The following TSNARE1 variants were observed in gnomAD, a reference collection of about 807,000 sequenced individuals.
TSNARE1 encodes the protein t-SNARE domain containing 1, also known as t-SNARE domain-containing protein 1.
Under a neutral mutation model 62.0 loss-of-function variants are expected in TSNARE1, and 49 were observed. The observed-to-expected ratio is 0.79, with a 90% CI of 0.63 to 1.00. The LOEUF (loss-of-function observed/expected upper bound fraction) is 1.00. Among genes scored for constraint, TSNARE1 ranks in the 50% least tolerant of loss-of-function variants. The probability of loss-of-function intolerance (pLI) is 0.00; values close to 1 mark genes in which losing one functional copy is unlikely to be tolerated. For synonymous variants in TSNARE1, 328 were observed against 294.4 expected, an observed-to-expected ratio of 1.11 and a Z score of -1.17; for missense variants, 755 against 700.1, an observed-to-expected ratio of 1.08 and a Z score of -0.88.
intron 9 of TSNARE1, among the ~76,000 whole-genome samples, chr8:142,302,977 C>G (rs1181086594): frequency 6.6e-6 from 1 of 152,106 alleles, no homozygotes; most frequent in Non-Finnish European, 1.5e-5. Flanking sequence ...AGGGGTACAG[C>G]TGCCACCCCA....
chr8:142,299,789 C>T (rs771662347), intron 10 of TSNARE1, among the ~76,000 whole-genome samples: 49 of 152,374 alleles, frequency 3.2e-4, no homozygotes, highest in South Asian at 8.3e-4. Context: ...TACATACACA[C>T]ATGCTCAGAC....
chr8:142,300,865 C>T (rs1294091266), intron 9 of TSNARE1, among the ~76,000 whole-genome samples: 3 of 152,200 alleles, frequency 2.0e-5, no homozygotes, highest in South Asian at 2.1e-4. Flanking sequence ...AGACCACAGA[C>T]GTCAGTCCCC....
chr8:142,315,116 C>G (rs757192419), intron 7 of TSNARE1, 24 bp from the exon 8 acceptor site: 1 of 1,613,354 alleles, frequency 6.2e-7, no homozygotes, highest in Non-Finnish European at 8.5e-7. Context: ...ACAGCTGGCA[C>G]GGCATGGGAG....
chr8:142,340,860 G>A (rs368224296), intron 4 of TSNARE1, among the ~76,000 whole-genome samples: 4 of 152,358 alleles, frequency 2.6e-5, no homozygotes, highest in Admixed American at 6.5e-5. Flanking sequence ...ATGACACCAC[G>A]TGCCTAGACA....
chr8:142,352,232 A>C (rs529216255), intron 2 of TSNARE1, among the ~76,000 whole-genome samples: 1 of 152,368 alleles, frequency 6.6e-6, no homozygotes, highest in East Asian at 1.9e-4. Flanking sequence ...AAAGCAGACA[A>C]ACAGTGCTCA....
chr8:142,395,457 G>T (rs536391524), intron 1 of TSNARE1, among the ~76,000 whole-genome samples: 2 of 152,268 alleles, frequency 1.3e-5, no homozygotes, highest in South Asian at 2.1e-4. Flanking sequence ...CGGGGGGCAG[G>T]CTGCAGGCAG....
chr8:142,246,699 G>A (rs979976346), intron 12 of TSNARE1, among the ~76,000 whole-genome samples: 8 of 152,142 alleles, frequency 5.3e-5, no homozygotes, highest in Admixed American at 2.0e-4. Flanking sequence ...AGGGATGACC[G>A]AGGACCTGGG....
Position 142,322,659 on chromosome 8 carries a change from C to T in TSNARE1, c.894-4025G>A, listed in dbSNP as rs1335306594. On this transcript the variant is annotated intron_variant, in intron 6 of 13. Transcript: ENST00000524325. ...GAGAGGAACACAAATAAGAGAAAGGCCAGCCTGTGTCCGTGGGCTGGACGA... is the reference window on the plus strand; with the variant it reads ...GAGAGGAACACAAATAAGAGAAAGGTCAGCCTGTGTCCGTGGGCTGGACGA... 3.3e-5 allele frequency among the ~76,000 whole-genome samples: 5 copies of T among 152,340 alleles called. No individual in the cohort carries two copies. In the East Asian group the frequency reaches 9.6e-4, roughly 29 times the overall value.
intron 8 of TSNARE1, 32 bp from the exon 9 acceptor site, chr8:142,314,472 G>A (rs1201504469): frequency 6.2e-7 from 1 of 1,603,362 alleles, no homozygotes; most frequent in Non-Finnish European, 8.5e-7. Context: ...AAGAAAGACA[G>A]GAAGAGCAAA....
intron 7 of TSNARE1, among the ~76,000 whole-genome samples, chr8:142,316,910 G>C (rs1233328305): frequency 1.3e-5 from 2 of 151,932 alleles, no homozygotes; most frequent in Non-Finnish European, 2.9e-5. Context: ...CTGTAGGACT[G>C]GCTGAGCCAC....
chr8:142,396,011 C>T (rs1297481297), intron 1 of TSNARE1, among the ~76,000 whole-genome samples: 5 of 151,508 alleles, frequency 3.3e-5, no homozygotes, highest in African/African-American at 1.2e-4. Flanking sequence ...TCTCTTTGTC[C>T]GTGGCTCTGT....
At chr8:142,406,052 G>A (rs1474909867), upstream of TSNARE1, 3 of 152,268 alleles carry the variant, frequency 2.0e-5, no homozygotes, top group Non-Finnish European at 4.4e-5. Context: ...TGGTCCTTTG[G>A]AAGGGGCAGC....
intron 1 of TSNARE1, among the ~76,000 whole-genome samples, chr8:142,379,216 C>T (rs989058256): frequency 1.9e-4 from 29 of 152,232 alleles, no homozygotes; most frequent in African/African-American, 6.8e-4. Context: ...CATGCCTCAG[C>T]GGGCCGCTGC....
intron 9 of TSNARE1, among the ~76,000 whole-genome samples, chr8:142,312,580 T>C (rs1438097866): frequency 6.6e-6 from 1 of 152,168 alleles, no homozygotes; most frequent in Non-Finnish European, 1.5e-5. Context: ...AAAATCCAAC[T>C]TTCGTCTTCT....
At chr8:142,230,807 CCCACT>C (rs1245608288) in intron 12 of TSNARE1, among the ~76,000 whole-genome samples, 1 of 147,586 alleles carries the variant, frequency 6.8e-6, no homozygotes, top group Non-Finnish European at 1.5e-5. Context: ...CATCCATCCA[CCCACT>C]CATCCATCCA....
intron 4 of TSNARE1, among the ~76,000 whole-genome samples, chr8:142,333,448 G>A (rs1020890984): frequency 6.6e-6 from 1 of 152,166 alleles, no homozygotes; most frequent in Non-Finnish European, 1.5e-5. Flanking sequence ...AAAGAACGTG[G>A]TTTGAGGTCT....
intron 12 of TSNARE1, 113 bp from the exon 13 acceptor site, chr8:142,229,692 T>C (rs1817011664): frequency 1.2e-6 from 1 of 833,834 alleles, no homozygotes; most frequent in African/African-American, 1.7e-5. Flanking sequence ...GAGTCCACCC[T>C]GGGGCAGGGT....
Position 142,300,630 on chromosome 8 carries a change from C to T in TSNARE1, c.1146G>A (p.Pro382=), listed in dbSNP as rs1247675674. ...TCTCATCATCAGCCAGCTCGGCAAA[C>T]GGGGCCTGGGGACTCTGCTGATGAC... The part of the protein sequence containing the change: ...QRGSKQSPQA[P]FAELADDEKV... Residue 382 remains proline, a synonymous_variant, in exon 10 of 14, where the codon CCG becomes CCA. Transcript: ENST00000524325. 10 of 1,613,294 alleles carry T rather than the reference C, an allele frequency of 6.2e-6. No individual in the cohort carries two copies. The highest frequency in any genetic ancestry group is 5.3e-5 in the African/African-American group (4 of 74,940).
At chr8:142,345,976 C>T in intron 2 of TSNARE1, 84 bp from the exon 3 acceptor site, 1 of 1,495,606 alleles carries the variant, frequency 6.7e-7, no homozygotes. Context: ...GGACAGCAGA[C>T]ACCCAGGACC....
Sources: allele counts gnomAD v4.1 joint callset (sites outside exome capture counted in the v4.1 genomes callset), GRCh38; gene constraint gnomAD v4.1.1; transcripts MANE v1.5; gene names NCBI Gene and HGNC (gene_info 2026-07-23, HGNC 2026-07-21).